LAMA5: variants seen among roughly 807,000 people sequenced by gnomAD.
The protein encoded by LAMA5 is laminin subunit alpha 5.
In LAMA5, 260 loss-of-function variants were observed where a neutral mutation model predicts 433.4. The ratio of observed to expected loss-of-function variants is 0.60; its 90% CI spans 0.54 to 0.66. LAMA5 has a LOEUF of 0.66. Ranked by LOEUF, LAMA5 falls within the 30% of genes least tolerant of loss-of-function variation. LAMA5 has a pLI of 0.00. For missense variants in LAMA5, 5,378 were observed against 5,258.5 expected, an observed-to-expected ratio of 1.02 and a Z score of -0.70; for synonymous variants, 2,620 against 2,226.6, an observed-to-expected ratio of 1.18 and a Z score of -4.97.
chr20:62,350,133 G>A (rs1984070309), intron 6 of LAMA5, among the ~76,000 whole-genome samples: 1 of 151,870 alleles, frequency 6.6e-6, no homozygotes, highest in Non-Finnish European at 1.5e-5. Context: ...CGGTGAGTCA[G>A]GGGATGGCAA....
intron 6 of LAMA5, 119 bp from the exon 7 acceptor site, chr20:62,347,147 GC>G (rs930380842): frequency 5.7e-6 from 4 of 696,328 alleles, no homozygotes; most frequent in East Asian, 2.7e-5. Flanking sequence ...CATGGACACG[GC>G]CCCCCGCTGC....
At chr20:62,319,585 T>C (rs1987442039) in intron 51 of LAMA5, 99 bp downstream of exon 51, 1 of 804,394 alleles carries the variant, frequency 1.2e-6, no homozygotes, top group Non-Finnish European at 2.0e-6. Flanking sequence ...AGACAGATCC[T>C]GCCTGTTCTT....
In LAMA5 at chr20:62,329,024, C is replaced by A. The variant is rs149794678; in HGVS notation, c.4267G>T (p.Ala1423Ser). The A allele has an allele frequency of 6.2e-6, 10 of 1,612,568 alleles. No individual in the cohort carries two copies. In the African/African-American group the frequency reaches 1.2e-4, roughly 19 times the overall value. ...PSSSSLFCRN[A>S]AASLSLFYNN... is the part of the protein sequence containing the mutation. Reference sequence around the variant, plus strand: ...TAGAAGAGGGAGAGGGAAGCAGCAGCGTTTCGGCAGAACAGGGATGAGCTG... The same window carrying A: ...TAGAAGAGGGAGAGGGAAGCAGCAGAGTTTCGGCAGAACAGGGATGAGCTG... The change falls in exon 34 of 80, where the codon GCT becomes TCT. Residue 1423 changes from alanine (A) to serine (S), a missense_variant. By Grantham distance (99) the Ala-to-Ser change is moderately conservative. Coordinates refer to ENST00000252999, the MANE Select transcript of LAMA5 (RefSeq NM_005560.6).
At position 62,311,299 on chromosome 20, in the gene LAMA5, G is replaced by A. The variant is rs766200291; in HGVS notation, c.9951C>T (p.Arg3317=). 4 of 1,583,052 alleles carry A rather than the reference G, an allele frequency of 2.5e-6. No individual in the cohort carries two copies. In the South Asian group the frequency reaches 4.6e-5, roughly 18 times the overall value. Reference sequence around the variant, plus strand: ...GATGCCGGGCGGGCTGACGGCTGCGGCGGGAGGCCTGGGGGCGTGGATGGT... The same window carrying A: ...GATGCCGGGCGGGCTGACGGCTGCGACGGGAGGCCTGGGGGCGTGGATGGT... ...GLQATARKAS[R]RSRQPARHPA... Residue 3317 remains arginine (R), a synonymous_variant, in exon 73 of 80, where the codon CGC becomes CGT. Coordinates refer to ENST00000252999, the MANE Select transcript of LAMA5 (RefSeq NM_005560.6).
Position 62,309,221 on chromosome 20 carries a change from A to G in LAMA5, c.*115T>C. ...AGCTATAACTTAAACCATCTTCAGA[A>G]ACAAGATCTGTCACCCGTAGAGCTT... On this transcript the variant is annotated 3_prime_UTR_variant, in exon 80 of 80. Transcript: ENST00000252999. 9.5e-7 allele frequency: 1 copy of G among 1,048,500 alleles called. No individual in the cohort carries two copies. Among genetic ancestry groups the G allele is most frequent in the Non-Finnish European group, 1.3e-6 (1 of 752,880 alleles). 64.9% of individuals were successfully genotyped at this position (1,048,500 alleles called of 1,614,324 possible).
Position 62,367,192 on chromosome 20 carries a change from G to A in LAMA5, c.54C>T (p.Gly18=). Residue 18 remains glycine, a synonymous_variant, in exon 1 of 80, where the codon GGC becomes GGT. Transcript: ENST00000252999. ...GCCCGACCAGCAGCAGCGGCGCGGG[G>A]CCCCGGGGGCCGCGAACACACAGTG... ...GSALCVRGPR[G]PAPLLLVGLA... 1 of 1,222,454 alleles carries A rather than the reference G, an allele frequency of 8.2e-7. No homozygotes were observed. Among genetic ancestry groups the A allele is most frequent in the Non-Finnish European group, 1.0e-6 (1 of 983,834 alleles). The allele number at this position is 1,222,454 out of a possible 1,614,324, so 75.7% of individuals were successfully genotyped here.
rs2146169194 is a variant in LAMA5 at position 62,328,253 on chromosome 20, C to G, written c.4640G>C (p.Ser1547Thr). The G allele has an allele frequency of 6.2e-7, 1 of 1,605,862 alleles. No individual in the cohort carries two copies. Among genetic ancestry groups the G allele is most frequent in the East Asian group, 2.2e-5 (1 of 44,714 alleles). Residue 1547 changes from serine (S) to threonine (T), a missense_variant, in exon 35 of 80, where the codon AGC (serine) becomes ACC (threonine). By Grantham distance (58) the Ser-to-Thr change is moderately conservative. Coordinates refer to ENST00000252999, the MANE Select transcript of LAMA5 (RefSeq NM_005560.6). Reference protein sequence around the residue: ...ELTDPTCDTDSGQCKCRPNVT... With the variant: ...ELTDPTCDTDTGQCKCRPNVT... ...TCTGGGCTCTCACTTGCACTGGCCG[C>G]TGTCTGTGTCACAGGTAGGGTCTGT...
Position 62,334,056 on chromosome 20 carries a change from C to G in LAMA5, c.2740-17G>C, listed in dbSNP as rs114932070. Reference sequence around the variant, plus strand: ...GATCCTGGGCTGGGTGGGCATGGAGCGTCGGGTCACTCTCCCTGACCACTG... The same window carrying G: ...GATCCTGGGCTGGGTGGGCATGGAGGGTCGGGTCACTCTCCCTGACCACTG... On this transcript the variant is annotated splice_polypyrimidine_tract_variant and intron_variant, in intron 22 of 79. Coordinates refer to ENST00000252999, the MANE Select transcript of LAMA5 (RefSeq NM_005560.6). The G allele has an allele frequency of 2.2e-3, 3,510 of 1,605,304 alleles. 69 individuals carry two copies. In the African/African-American group the frequency reaches 0.043, roughly 20 times the overall value.
chr20:62,327,232 C>G lies in LAMA5; in HGVS notation c.5112+1G>C. 6.6e-7 allele frequency: 1 copy of G among 1,505,652 alleles called. No individual in the cohort carries two copies. The highest frequency in any genetic ancestry group is 8.8e-7 in the Non-Finnish European group (1 of 1,130,918). 93.3% of individuals were successfully genotyped at this position (1,505,652 alleles called of 1,614,324 possible). The stretch of plus-strand genomic sequence containing the variant: ...TCCCCCAGACCTGATGCCCTGCTTA[C>G]CCGGTCCCCCAGGTAGGAGGGTGGG... On this transcript the variant is annotated splice_donor_variant, in intron 38 of 79. Transcript: ENST00000252999. LOFTEE classifies it high-confidence loss of function.
At chr20:62,336,915 A>C in intron 16 of LAMA5, 129 bp from the exon 17 acceptor site, 1 of 888,676 alleles carries the variant, frequency 1.1e-6, no homozygotes, top group Non-Finnish European at 1.8e-6. Flanking sequence ...TCTCATCCAC[A>C]TGGACGGCCT....
At position 62,335,119 on chromosome 20, in the gene LAMA5, C is replaced by T. The variant is rs1324946225; in HGVS notation, c.2384G>A (p.Gly795Asp). 6.2e-7 allele frequency: 1 copy of T among 1,612,902 alleles called. No individual in the cohort carries two copies. Among genetic ancestry groups the T allele is most frequent in the South Asian group, 1.1e-5 (1 of 91,074 alleles). ...GGVAECQPGT[G>D]QCFCKPHVCG... ...CACGTGGGGCTTGCAGAAGCACTGGCCGGTGCCCTGGGGGCCAAGGGAGGA... is the reference window on the plus strand; with the variant it reads ...CACGTGGGGCTTGCAGAAGCACTGGTCGGTGCCCTGGGGGCCAAGGGAGGA... The change falls in exon 20 of 80, where the codon GGC (glycine) becomes GAC (aspartate). Residue 795 changes from glycine to aspartate, a missense_variant. Gly to Asp is a moderately conservative substitution (Grantham distance 94). Coordinates refer to ENST00000252999, the MANE Select transcript of LAMA5 (RefSeq NM_005560.6).
chr20:62,312,357 C>A (rs1188601343), intron 68 of LAMA5, 41 bp from the exon 69 acceptor site: 1 of 1,602,156 alleles, frequency 6.2e-7, no homozygotes, highest in South Asian at 1.1e-5. Flanking sequence ...GGTGCCCCTG[C>A]ATGTCCACAG....
intron 34 of LAMA5, 64 bp downstream of exon 34, chr20:62,328,780 C>T: frequency 2.0e-6 from 3 of 1,486,198 alleles, no homozygotes; most frequent in Non-Finnish European, 2.8e-6. Flanking sequence ...TCTGGTCGAC[C>T]CGTCCACCTT....
chr20:62,327,487 G>A (rs775262091), intron 37 of LAMA5, 42 bp downstream of exon 37: 1 of 1,610,940 alleles, frequency 6.2e-7, no homozygotes, highest in Non-Finnish European at 8.5e-7. Flanking sequence ...TCCCACCTAA[G>A]ACCTCCCCGA....
At chr20:62,317,624 T>G in intron 54 of LAMA5, 38 bp downstream of exon 54, 1 of 1,523,980 alleles carries the variant, frequency 6.6e-7, no homozygotes, top group Admixed American at 2.0e-5. Flanking sequence ...GAGTTGGCCG[T>G]GGATGGGGTG....
chr20:62,316,741 G>A lies in LAMA5; in HGVS notation c.7686C>T (p.Ala2562=). The A allele has an allele frequency of 1.2e-6, 2 of 1,608,874 alleles. No individual in the cohort carries two copies. The highest frequency in any genetic ancestry group is 1.7e-6 in the Non-Finnish European group (2 of 1,177,868). The change falls in exon 57 of 80, where the codon GCC becomes GCT. Residue 2562 remains alanine, a synonymous_variant. Transcript: ENST00000252999. ...CAGTGCTGTTGGCCAGGAGCTGCTG[G>A]GCTCGGTCCACCAGGCCCTGCCGCA... ...TVVRQGLVDR[A]QQLLANSTAL...
rs1299949308 is a variant in LAMA5, at chr20:62,314,939, G to A, written c.8056C>T (p.Leu2686=). ...VLDAGHSVST[L]EKTLPQLLAK... is the part of the protein sequence containing the mutation. ...AGCAGCTGGGGCAGCGTCTTCTCCA[G>A]GGTGGACACTGCAGAGAGGGAGACC... Residue 2686 remains leucine (L), a synonymous_variant, in exon 60 of 80, where the codon CTG becomes TTG. Transcript: ENST00000252999. 3.1e-6 allele frequency: 5 copies of A among 1,600,960 alleles called. No homozygotes were observed. The highest frequency in any genetic ancestry group is 1.3e-5 in the African/African-American group (1 of 74,852).
chr20:62,337,776 C>T (rs375825707), intron 15 of LAMA5, 28 bp downstream of exon 15: 33 of 1,609,582 alleles, frequency 2.1e-5, no homozygotes, highest in Admixed American at 5.0e-5. Flanking sequence ...GCACCTGCCT[C>T]CCCACCACTT....
chr20:62,313,745 G>A lies in LAMA5; in HGVS notation c.8562C>T (p.Thr2854=). The A allele has an allele frequency of 6.2e-7, 1 of 1,612,942 alleles. No homozygotes were observed. Among genetic ancestry groups the A allele is most frequent in the African/African-American group, 1.3e-5 (1 of 75,048 alleles). Reference sequence around the variant, plus strand: ...CCCCAGGGGCCACCGTGTCACCCTTGGTTTCCTGGATCATCTGTCTCTCCA... The same window carrying A: ...CCCCAGGGGCCACCGTGTCACCCTTAGTTTCCTGGATCATCTGTCTCTCCA... ...VTVERQMIQE[T]KGDTVAPGAE... The change falls in exon 63 of 80, where the codon ACC becomes ACT. Residue 2854 remains threonine, a synonymous_variant. Coordinates refer to ENST00000252999, the MANE Select transcript of LAMA5 (RefSeq NM_005560.6).
Sources: gnomAD v4.1 joint callset for allele counts (sites outside exome capture counted in the v4.1 genomes callset) on GRCh38, gnomAD v4.1.1 for gene constraint, MANE v1.5 for transcripts, NCBI Gene and HGNC (gene_info 2026-07-23, HGNC 2026-07-21) for gene names.